CAST: variants seen among roughly 807,000 people sequenced by gnomAD.
CAST encodes MIR583 host.
In CAST, 76 loss-of-function variants were observed where a neutral mutation model predicts 119.6. The observed-to-expected ratio is 0.64, with a 90% CI of 0.53 to 0.77. CAST has a LOEUF of 0.77. CAST is among the 30% of genes least tolerant of loss of function. The pLI, the probability that CAST is intolerant of heterozygous loss-of-function variation, is 0.00. For missense variants in CAST, 953 were observed against 946.5 expected (o/e 1.01, Z -0.09); for synonymous variants, 319 against 331.6 (o/e 0.96, Z 0.41).
At chr5:96,371,011 A>T in the CAST span, among the ~76,000 whole-genome samples, 1 of 152,204 alleles carries the variant, frequency 6.6e-6, no homozygotes, top group African/African-American at 2.4e-5. Flanking sequence ...GGAAATGAAG[A>T]ACATCCGTTA....
At chr5:96,340,816 A>G in the CAST span, among the ~76,000 whole-genome samples, 2 of 152,224 alleles carry the variant, frequency 1.3e-5, no homozygotes, top group African/African-American at 4.8e-5. Flanking sequence ...TCTACGCAGT[A>G]TATACTATGA....
At chr5:96,290,328 A>G in the CAST span, among the ~76,000 whole-genome samples, 1 of 152,240 alleles carries the variant, frequency 6.6e-6, no homozygotes, top group Non-Finnish European at 1.5e-5. Context: ...AAGCTCAGGA[A>G]AAAGTTCATT....
chr5:96,508,359 A>T, the CAST span, among the ~76,000 whole-genome samples: 1 of 152,164 alleles, frequency 6.6e-6, no homozygotes, highest in Non-Finnish European at 1.5e-5. Flanking sequence ...GGGATGTGGT[A>T]AAGATGAAAG....
chr5:96,326,724 T>TC, the CAST span, among the ~76,000 whole-genome samples: 1 of 131,578 alleles, frequency 7.6e-6, no homozygotes, highest in Non-Finnish European at 1.6e-5. Context: ...TTTTTTGTCT[T>TC]CAGCATCTGT....
At chr5:96,517,008 G>A in the CAST span, among the ~76,000 whole-genome samples, 88 of 152,262 alleles carry the variant, frequency 5.8e-4, 1 homozygote, top group African/African-American at 2.1e-3. Context: ...GATTTCCCCA[G>A]CTCTCTCCTG....
chr5:96,584,062 A>G (rs1746810298), intron 1 of CAST, among the ~76,000 whole-genome samples: 1 of 152,198 alleles, frequency 6.6e-6, no homozygotes, highest in Non-Finnish European at 1.5e-5. Context: ...TCCCTAGGTC[A>G]GTAGTCGCCA....
chr5:96,336,110 A>G, the CAST span, among the ~76,000 whole-genome samples: 1 of 152,156 alleles, frequency 6.6e-6, no homozygotes, highest in African/African-American at 2.4e-5. Flanking sequence ...GTCATTCTGA[A>G]TCTACACAAG....
At chr5:96,403,303 T>C in the CAST span, among the ~76,000 whole-genome samples, 1 of 152,214 alleles carries the variant, frequency 6.6e-6, no homozygotes, top group Admixed American at 6.5e-5. Context: ...CTAGGGTACA[T>C]GTGCACAACG....
chr5:96,056,477 A>G, the CAST span, among the ~76,000 whole-genome samples: 1 of 152,152 alleles, frequency 6.6e-6, no homozygotes, highest in Non-Finnish European at 1.5e-5. Flanking sequence ...CCTGATGTGG[A>G]CTTAAATTCA....
At chr5:96,043,605 G>A in the CAST span, among the ~76,000 whole-genome samples, 1 of 152,150 alleles carries the variant, frequency 6.6e-6, no homozygotes, top group Non-Finnish European at 1.5e-5. Flanking sequence ...AGTAATTCCT[G>A]TTATCATAGT....
intron 27 of CAST, among the ~76,000 whole-genome samples, chr5:96,766,449 C>T (rs1224714537): frequency 6.6e-6 from 1 of 152,048 alleles, no homozygotes; most frequent in Non-Finnish European, 1.5e-5. Context: ...ATAAAAATGA[C>T]TAAGGTGATA....
At chr5:96,742,972 C>T (rs1415924321) in intron 16 of CAST, among the ~76,000 whole-genome samples, 1 of 152,176 alleles carries the variant, frequency 6.6e-6, no homozygotes, top group Non-Finnish European at 1.5e-5. Context: ...TTGAAATGAA[C>T]ACGAATCTCC....
At chr5:96,280,586 C>G in the CAST span, among the ~76,000 whole-genome samples, 1 of 152,216 alleles carries the variant, frequency 6.6e-6, no homozygotes, top group African/African-American at 2.4e-5. Flanking sequence ...GGGTAAGACC[C>G]ATACCCACAC....
chr5:96,412,298 G>C, the CAST span: 1 of 1,605,744 alleles, frequency 6.2e-7, no homozygotes, highest in Non-Finnish European at 8.5e-7. Context: ...TTTCATGTGG[G>C]TCTGTGTAAA....
At chr5:96,478,218 A>G in the CAST span, among the ~76,000 whole-genome samples, 2 of 152,244 alleles carry the variant, frequency 1.3e-5, no homozygotes, top group Non-Finnish European at 2.9e-5. Context: ...CTATCCTAAG[A>G]AAGTCCCAAT....
chr5:96,571,981 T>A (rs1261100266), intron 1 of CAST, among the ~76,000 whole-genome samples: 1 of 152,204 alleles, frequency 6.6e-6, no homozygotes, highest in African/African-American at 2.4e-5. Context: ...ATAGAATGAA[T>A]GAATGGACAC....
chr5:96,565,882 G>C (rs1339261325), intron 1 of CAST, among the ~76,000 whole-genome samples: 1 of 152,160 alleles, frequency 6.6e-6, no homozygotes, highest in African/African-American at 2.4e-5. Context: ...TGCCTGGCTA[G>C]AATTTCAACA....
chr5:96,521,665 A>T (rs1745520776), upstream of CAST, among the ~76,000 whole-genome samples: 1 of 152,104 alleles, frequency 6.6e-6, no homozygotes, highest in South Asian at 2.1e-4. Flanking sequence ...CACTCAATAG[A>T]CCTTGAGTTC....
chr5:96,462,859 G>C, the CAST span, among the ~76,000 whole-genome samples: 2 of 151,938 alleles, frequency 1.3e-5, no homozygotes, highest in Non-Finnish European at 2.9e-5. Context: ...AGTGTTCGGC[G>C]GTTCCTCCAT....
Sources: allele counts gnomAD v4.1 joint callset (sites outside exome capture counted in the v4.1 genomes callset), GRCh38; gene constraint gnomAD v4.1.1; transcripts MANE v1.5; gene names NCBI Gene and HGNC (gene_info 2026-07-23, HGNC 2026-07-21).